KCNK10: variants seen among roughly 807,000 people sequenced by gnomAD.
The protein encoded by KCNK10 is potassium two pore domain channel subfamily K member 10.
Under a neutral mutation model 47.7 loss-of-function variants are expected in KCNK10, and 25 were observed. The ratio of observed to expected loss-of-function variants is 0.52; its 90% CI spans 0.38 to 0.73. The LOEUF (loss-of-function observed/expected upper bound fraction) is 0.73. KCNK10 is among the 30% of genes least tolerant of loss of function. KCNK10 has a pLI of 0.00. For synonymous variants in KCNK10, 303 were observed against 285.6 expected (o/e 1.06, Z -0.61); for missense variants, 563 against 714.5 (o/e 0.79, Z 2.42).
intron 2 of KCNK10, among the ~76,000 whole-genome samples, chr14:88,245,448 T>C (rs1016511863): frequency 3.9e-5 from 6 of 152,144 alleles, no homozygotes; most frequent in Admixed American, 3.9e-4. Flanking sequence ...AGGAGGTAAC[T>C]GGACCCCTCA....
At chr14:88,252,139 T>C (rs1886816837) in intron 2 of KCNK10, among the ~76,000 whole-genome samples, 1 of 152,060 alleles carries the variant, frequency 6.6e-6, no homozygotes, top group Admixed American at 6.5e-5. Context: ...GGTCTCAAAC[T>C]CCTGAGCTCA....
intron 1 of KCNK10, among the ~76,000 whole-genome samples, chr14:88,295,196 A>G (rs1302050053): frequency 2.6e-5 from 4 of 152,230 alleles, no homozygotes; most frequent in Non-Finnish European, 5.9e-5. Context: ...AAATTAATAG[A>G]AATCAACTTT....
At chr14:88,283,423 A>C (rs904874160) in intron 1 of KCNK10, among the ~76,000 whole-genome samples, 3 of 152,252 alleles carry the variant, frequency 2.0e-5, no homozygotes, top group Non-Finnish European at 4.4e-5. Context: ...AAAGACTTTA[A>C]CTAGTGACTG....
At chr14:88,278,219 T>C (rs1887568020) in intron 1 of KCNK10, among the ~76,000 whole-genome samples, 1 of 152,180 alleles carries the variant, frequency 6.6e-6, no homozygotes, top group South Asian at 2.1e-4. Flanking sequence ...ACATGGATCA[T>C]ATAGAAGTCT....
intron 2 of KCNK10, among the ~76,000 whole-genome samples, chr14:88,258,685 GAATGAATGACTA>G (rs1431736862): frequency 2.6e-5 from 4 of 152,188 alleles, no homozygotes; most frequent in Admixed American, 2.6e-4. Context: ...ATGGATAGAT[GAATGAATGACTA>G]AATGAATGGA....
intron 4 of KCNK10, among the ~76,000 whole-genome samples, chr14:88,197,316 A>AT (rs1184897554): frequency 2.0e-5 from 3 of 152,138 alleles, no homozygotes; most frequent in African/African-American, 7.2e-5. Flanking sequence ...CAGGCCAGGC[A>AT]TGCTGGCTCA....
chr14:88,230,931 G>C (rs527887124), intron 3 of KCNK10, among the ~76,000 whole-genome samples: 2 of 152,276 alleles, frequency 1.3e-5, no homozygotes, highest in Middle Eastern at 6.8e-3. Context: ...TAACTAGTAA[G>C]AACTCAGTAA....
At chr14:88,296,925 T>C (rs1887996956) in intron 1 of KCNK10, among the ~76,000 whole-genome samples, 1 of 152,258 alleles carries the variant, frequency 6.6e-6, no homozygotes, top group Non-Finnish European at 1.5e-5. Context: ...CATCATTATC[T>C]TATGTGCCTC....
intron 1 of KCNK10, among the ~76,000 whole-genome samples, chr14:88,291,061 G>A (rs1220941297): frequency 3.3e-5 from 5 of 152,196 alleles, no homozygotes; most frequent in East Asian, 1.9e-4. Context: ...ATTCCCACAC[G>A]TCTTGTACAA....
At chr14:88,220,619 C>T (rs1033022304) in intron 4 of KCNK10, among the ~76,000 whole-genome samples, 1 of 148,098 alleles carries the variant, frequency 6.8e-6, no homozygotes, top group Non-Finnish European at 1.5e-5. Flanking sequence ...AAAAAAAGGT[C>T]TTTTCAACAA....
At chr14:88,188,972 A>T (rs1212443719) in intron 5 of KCNK10, among the ~76,000 whole-genome samples, 1 of 152,218 alleles carries the variant, frequency 6.6e-6, no homozygotes, top group African/African-American at 2.4e-5. Context: ...AAGCTCCTGG[A>T]AATAACGGAC....
Position 88,251,155 on chromosome 14 carries a change from C to T in KCNK10, c.403-10335G>A, listed in dbSNP as rs547688956. Among the ~76,000 whole-genome samples the T allele has an allele frequency of 2.8e-5, 4 of 142,056 alleles. No individual in the cohort carries two copies. The East Asian group carries it at 8.1e-4, about 29-fold the overall frequency. The allele number at this position is 142,056 out of a possible 152,430, so 93.2% of individuals were successfully genotyped here. A position where few individuals can be genotyped will look rare whatever the true frequency, so the allele number is the denominator to read the frequency against. Reference sequence around the variant, plus strand: ...GGCCGAGGCAGAAGAATCGCTTGAACCCAGGAGGTGGAGGTTGCAGTGAGC... The same window carrying T: ...GGCCGAGGCAGAAGAATCGCTTGAATCCAGGAGGTGGAGGTTGCAGTGAGC... On this transcript the variant is annotated intron_variant, in intron 2 of 6. Transcript: ENST00000319231.
intron 3 of KCNK10, 148 bp from the exon 4 acceptor site, chr14:88,227,683 G>A (rs948731870): frequency 2.1e-5 from 13 of 619,720 alleles, no homozygotes; most frequent in Middle Eastern, 4.6e-4. Context: ...TCTACAATTC[G>A]CAACATTGTT....
intron 4 of KCNK10, among the ~76,000 whole-genome samples, chr14:88,212,465 A>G (rs1248240522): frequency 6.6e-6 from 1 of 152,118 alleles, no homozygotes; most frequent in Non-Finnish European, 1.5e-5. Context: ...AAAAGATACT[A>G]TAGATACTAT....
intron 2 of KCNK10, among the ~76,000 whole-genome samples, chr14:88,244,541 C>T (rs1352607000): frequency 1.3e-5 from 2 of 151,782 alleles, no homozygotes; most frequent in Non-Finnish European, 2.9e-5. Context: ...TGGTGGCGGG[C>T]GCTGTAGTCC....
chr14:88,318,127 G>C (rs1023203831), intron 1 of KCNK10, among the ~76,000 whole-genome samples: 3 of 152,190 alleles, frequency 2.0e-5, no homozygotes, highest in Non-Finnish European at 2.9e-5. Context: ...AAGGAAGTGG[G>C]AATATCAGCG....
At chr14:88,194,131 T>C (rs1475846162) in intron 4 of KCNK10, among the ~76,000 whole-genome samples, 1 of 152,120 alleles carries the variant, frequency 6.6e-6, no homozygotes, top group African/African-American at 2.4e-5. Context: ...AGAAGCCATC[T>C]GAAAAAAAAA....
chr14:88,233,214 T>C (rs533984004), intron 3 of KCNK10, among the ~76,000 whole-genome samples: 119 of 152,328 alleles, frequency 7.8e-4, no homozygotes, highest in African/African-American at 2.8e-3. Context: ...GGTAGCACCA[T>C]CCAGAGCTCA....
At chr14:88,258,184 A>T (rs1233758218) in intron 2 of KCNK10, among the ~76,000 whole-genome samples, 2 of 152,208 alleles carry the variant, frequency 1.3e-5, no homozygotes, top group African/African-American at 4.8e-5. Flanking sequence ...TGCCAAGCAC[A>T]GTTCAAAGCC....
Sources: allele counts gnomAD v4.1 joint callset (sites outside exome capture counted in the v4.1 genomes callset), GRCh38; gene constraint gnomAD v4.1.1; transcripts MANE v1.5; gene names NCBI Gene and HGNC (gene_info 2026-07-23, HGNC 2026-07-21).